Variants in PCNX1 observed in about 807,000 individuals in gnomAD.
PCNX1 encodes the protein pecanex 1.
A neutral mutation model predicts 242.2 loss-of-function variants in PCNX1; 78 were observed. The observed-to-expected ratio is 0.32, with a 90% CI of 0.27 to 0.39. The LOEUF (loss-of-function observed/expected upper bound fraction) is 0.39, where lower values mean the gene tolerates loss of function less well. PCNX1 is among the 10% of genes least tolerant of loss of function. The pLI is 1.00. For missense variants in PCNX1, 2,581 were observed against 2,856.5 expected, an observed-to-expected ratio of 0.90 and a Z score of 2.20; for synonymous variants, 1,024 against 1,032.9, an observed-to-expected ratio of 0.99 and a Z score of 0.17.
chr14:71,012,706 G>T (rs1441367367), intron 10 of PCNX1: 3 of 351,744 alleles, frequency 8.5e-6, no homozygotes, highest in Non-Finnish European at 1.1e-5. Flanking sequence ...GGTGGCAGGT[G>T]CCTGTAATCC....
At chr14:71,062,817 A>G (rs541641634) in intron 26 of PCNX1, among the ~76,000 whole-genome samples, 51 of 152,212 alleles carry the variant, frequency 3.4e-4, no homozygotes, top group African/African-American at 1.2e-3. Flanking sequence ...TGCAAACTCC[A>G]TTTGTGGCAA....
chr14:70,988,595 A>G lies in PCNX1; in HGVS notation c.2340A>G (p.Ser780=). The change falls in exon 7 of 36, where the codon TCA becomes TCG. Residue 780 remains serine, a synonymous_variant. Coordinates refer to ENST00000304743, the MANE Select transcript of PCNX1 (RefSeq NM_014982.3). The part of the protein sequence containing the change: ...GAAQASEEAV[S]FRRERSTFRR... ...CACAAGCCAGCGAGGAGGCAGTGTCATTTCGCCGTGAACGCAGCACATTTA... is the reference window on the plus strand; with the variant it reads ...CACAAGCCAGCGAGGAGGCAGTGTCGTTTCGCCGTGAACGCAGCACATTTA... 1 of 1,614,086 alleles carries G rather than the reference A, an allele frequency of 6.2e-7. No individual in the cohort carries two copies. The highest frequency in any genetic ancestry group is 1.7e-5 in the Admixed American group (1 of 60,012).
rs974717836 is a variant in PCNX1 at position 71,102,281 on chromosome 14, T to A, written c.5820+61T>A. Reference sequence around the variant, plus strand: ...AGAAGTTGAATAACTTGATCTAAAATTTTTTTTTTTTGAGACAGAGTCTCA... The same window carrying A: ...AGAAGTTGAATAACTTGATCTAAAAATTTTTTTTTTTGAGACAGAGTCTCA... On this transcript the variant is annotated intron_variant, in intron 31 of 35. Coordinates refer to ENST00000304743, the MANE Select transcript of PCNX1 (RefSeq NM_014982.3). 6.0e-5 allele frequency: 48 copies of A among 799,478 alleles called. No homozygotes were observed. In the East Asian group the frequency reaches 6.2e-4, roughly 10 times the overall value. 49.5% of individuals were successfully genotyped at this position (799,478 alleles called of 1,614,324 possible).
At chr14:71,022,149 C>T (rs1024593025) in intron 12 of PCNX1, among the ~76,000 whole-genome samples, 17 of 152,150 alleles carry the variant, frequency 1.1e-4, no homozygotes, top group African/African-American at 3.9e-4. Context: ...CCTCCTTGAT[C>T]ACTAATAACA....
chr14:71,040,097 CCACTG>C, intron 19 of PCNX1, among the ~76,000 whole-genome samples: 1 of 152,282 alleles, frequency 6.6e-6, no homozygotes, highest in Non-Finnish European at 1.5e-5. Flanking sequence ...CAGGTGTGAG[CCACTG>C]CACCCTGCCT....
intron 2 of PCNX1, among the ~76,000 whole-genome samples, chr14:70,949,283 A>ACACACGTGTATGCACACACGTGCGTG (rs1566608605): frequency 3.5e-5 from 1 of 28,500 alleles, no homozygotes; most frequent in African/African-American, 9.9e-5. Flanking sequence ...ACACGTGTAT[A>ACACACGTGTATGCACACACGTGCGTG]CACACACGTG....
chr14:71,045,083 A>G (rs776762254), intron 19 of PCNX1, 50 bp from the exon 20 acceptor site: 131 of 1,312,714 alleles, frequency 1.0e-4, no homozygotes, highest in Non-Finnish European at 1.3e-4. Context: ...AATTTCTACA[A>G]TGAGTCTCAA....
At chr14:71,090,121 A>C (rs967232370) in intron 30 of PCNX1, among the ~76,000 whole-genome samples, 1 of 152,182 alleles carries the variant, frequency 6.6e-6, no homozygotes, top group Non-Finnish European at 1.5e-5. Flanking sequence ...GCTGTTACTG[A>C]ATGATGAATT....
rs78420472 is a variant in PCNX1, at chr14:71,031,582, T to A, written c.3559-1847T>A. ...ACAACCTCCTGAGACAGAAGGGGAC[T>A]CAGTCTAATCCTGCACAATAGACTT... On this transcript the variant is annotated intron_variant, in intron 16 of 35. Coordinates refer to ENST00000304743, the MANE Select transcript of PCNX1 (RefSeq NM_014982.3). The A allele has an allele frequency of 1.4e-3, 721 of 501,556 alleles. 10 individuals are homozygous for A. In the East Asian group the frequency reaches 0.026, roughly 18 times the overall value. The allele number at this position is 501,556 out of a possible 1,614,324, so 31.1% of individuals were successfully genotyped here.
chr14:70,921,928 G>A (rs977160834), intron 1 of PCNX1, among the ~76,000 whole-genome samples: 1 of 152,128 alleles, frequency 6.6e-6, no homozygotes, highest in Non-Finnish European at 1.5e-5. Context: ...ACATTTGGAG[G>A]GGGAGTTGTT....
intron 7 of PCNX1, among the ~76,000 whole-genome samples, chr14:70,990,428 G>T (rs1350123280): frequency 6.6e-6 from 1 of 151,850 alleles, no homozygotes; most frequent in Non-Finnish European, 1.5e-5. Context: ...GCTGGGCCTG[G>T]TGGTACGCAC....
chr14:71,050,156 A>ATTTTTT (rs34437472), intron 22 of PCNX1, among the ~76,000 whole-genome samples: 1 of 151,086 alleles, frequency 6.6e-6, no homozygotes, highest in African/African-American at 2.4e-5. Flanking sequence ...AGACATCTTG[A>ATTTTTT]TTTTTTTTCT....
Position 70,917,074 on chromosome 14 carries a change from G to A in PCNX1, c.153+9071G>A, listed in dbSNP as rs190112103. On this transcript the variant is annotated intron_variant, in intron 1 of 35. Coordinates refer to ENST00000304743, the MANE Select transcript of PCNX1 (RefSeq NM_014982.3). ...TCCTCATCTTTTCAAGTTGTGTCATGAGATTACAGCAATCCAGTCACATCT... is the reference window on the plus strand; with the variant it reads ...TCCTCATCTTTTCAAGTTGTGTCATAAGATTACAGCAATCCAGTCACATCT... Among the ~76,000 whole-genome samples, 968 of 152,304 alleles carry A rather than the reference G, an allele frequency of 6.4e-3. 6 individuals carry two copies. The highest frequency in any genetic ancestry group is 8.2e-3 in the Non-Finnish European group (557 of 68,020).
At chr14:70,960,515 C>T (rs1206666217) in intron 2 of PCNX1, among the ~76,000 whole-genome samples, 3 of 152,078 alleles carry the variant, frequency 2.0e-5, no homozygotes, top group African/African-American at 2.4e-5. Flanking sequence ...TGGGACGTAT[C>T]TCAAAATAAT....
At chr14:71,098,305 T>C (rs2062354268) in intron 30 of PCNX1, among the ~76,000 whole-genome samples, 1 of 152,214 alleles carries the variant, frequency 6.6e-6, no homozygotes, top group African/African-American at 2.4e-5. Flanking sequence ...TTTTTTCTAA[T>C]TCTGTGAAAA....
chr14:70,920,372 CT>C (rs1355283202), intron 1 of PCNX1, among the ~76,000 whole-genome samples: 2 of 152,194 alleles, frequency 1.3e-5, no homozygotes, highest in African/African-American at 4.8e-5. Context: ...ATCATCTTTA[CT>C]ATGGCTTTCT....
At position 71,051,896 on chromosome 14, in the gene PCNX1, G is replaced by C; in HGVS notation, c.4461G>C (p.Leu1487=). 1.9e-6 allele frequency: 3 copies of C among 1,613,422 alleles called. No individual in the cohort carries two copies. Among genetic ancestry groups the C allele is most frequent in the Non-Finnish European group, 1.7e-6 (2 of 1,179,684 alleles). The change falls in exon 24 of 36, where the codon CTG becomes CTC. Residue 1487 remains leucine (L), a synonymous_variant. Coordinates refer to ENST00000304743, the MANE Select transcript of PCNX1 (RefSeq NM_014982.3). The part of the protein sequence containing the change: ...QPFAVPHSAM[L]FIQAAVSAFF... ...GTTTTCCCATAGATTCAGCCATGCTGTTTATTCAGGCTGCTGTCTCGGCCT... is the reference window on the plus strand; with the variant it reads ...GTTTTCCCATAGATTCAGCCATGCTCTTTATTCAGGCTGCTGTCTCGGCCT...
intron 1 of PCNX1, among the ~76,000 whole-genome samples, chr14:70,909,123 G>A (rs576375667): frequency 6.6e-6 from 1 of 152,190 alleles, no homozygotes; most frequent in African/African-American, 2.4e-5. Flanking sequence ...AAGTGCAAAA[G>A]GTGAGGACAC....
intron 8 of PCNX1, among the ~76,000 whole-genome samples, chr14:70,997,634 C>T (rs766815328): frequency 8.5e-5 from 13 of 152,100 alleles, no homozygotes; most frequent in Non-Finnish European, 1.8e-4. Flanking sequence ...CTGTTAACTG[C>T]CACCTTAAAC....
Sources: allele counts gnomAD v4.1 joint callset (sites outside exome capture counted in the v4.1 genomes callset), GRCh38; gene constraint gnomAD v4.1.1; transcripts MANE v1.5; gene names NCBI Gene and HGNC (gene_info 2026-07-23, HGNC 2026-07-21).